The following CAMKMT variants were observed in gnomAD, a reference collection of about 807,000 sequenced individuals.
The protein encoded by CAMKMT is calmodulin-lysine N-methyltransferase.
Under a neutral mutation model 48.0 loss-of-function variants are expected in CAMKMT, and 53 were observed. That is an observed-to-expected ratio of 1.10 (90% CI 0.89 to 1.39). The LOEUF (loss-of-function observed/expected upper bound fraction) is 1.39. Ranked by LOEUF, CAMKMT falls within the 40% of genes most tolerant of loss-of-function variation. CAMKMT has a pLI of 0.00. For missense variants in CAMKMT, 428 were observed against 402.7 expected (o/e 1.06, Z -0.54); for synonymous variants, 165 against 152.3 (o/e 1.08, Z -0.61).
chr2:44,723,043 TAA>T (rs1678558888), intron 7 of CAMKMT, among the ~76,000 whole-genome samples: 1 of 152,170 alleles, frequency 6.6e-6, no homozygotes, highest in Admixed American at 6.6e-5. Flanking sequence ...GGATCAGTTT[TAA>T]AGTCAGTCCA....
intron 3 of CAMKMT, among the ~76,000 whole-genome samples, chr2:44,678,531 C>T (rs1393965296): frequency 6.6e-6 from 1 of 152,216 alleles, no homozygotes; most frequent in Admixed American, 6.5e-5. Flanking sequence ...TTCATTACTC[C>T]TGCCTCATTC....
At chr2:44,728,362 A>T (rs1678901143) in intron 7 of CAMKMT, among the ~76,000 whole-genome samples, 1 of 152,114 alleles carries the variant, frequency 6.6e-6, no homozygotes, top group South Asian at 2.1e-4. Context: ...GTCATGAGGG[A>T]TATTGGTCTG....
intron 3 of CAMKMT, among the ~76,000 whole-genome samples, chr2:44,608,165 C>A (rs568726156): frequency 6.7e-6 from 1 of 149,492 alleles, no homozygotes; most frequent in Admixed American, 6.7e-5. Flanking sequence ...CTCCGCCTCC[C>A]GGGTTCACGC....
At chr2:44,435,605 C>CT (rs1214400728) in intron 3 of CAMKMT, among the ~76,000 whole-genome samples, 1 of 152,152 alleles carries the variant, frequency 6.6e-6, no homozygotes, top group African/African-American at 2.4e-5. Context: ...TAGATTCTGG[C>CT]TTTCCAGTAG....
At chr2:44,489,406 C>A (rs777652998) in intron 3 of CAMKMT, among the ~76,000 whole-genome samples, 2 of 151,938 alleles carry the variant, frequency 1.3e-5, no homozygotes, top group Non-Finnish European at 2.9e-5. Flanking sequence ...CCAGCATGCC[C>A]AGCTAATTTT....
chr2:44,638,535 T>C (rs1299005539), intron 3 of CAMKMT, among the ~76,000 whole-genome samples: 2 of 152,234 alleles, frequency 1.3e-5, no homozygotes, highest in African/African-American at 4.8e-5. Flanking sequence ...TGTGTGTTTC[T>C]TCTGTAATAC....
At chr2:44,474,470 GA>G (rs1160914496) in intron 3 of CAMKMT, among the ~76,000 whole-genome samples, 1 of 149,088 alleles carries the variant, frequency 6.7e-6, no homozygotes, top group Non-Finnish European at 1.5e-5. Context: ...AAAAGAAAAA[GA>G]AAAAAGAAAT....
At position 44,618,078 on chromosome 2, in the gene CAMKMT, G is replaced by T. The variant is rs186591717; in HGVS notation, c.377-86205G>T. ...TTCTAGTAGTTAAACTGATTTTAAT[G>T]GATGAATTTTCATTTAAAAGTAAAA... On this transcript the variant is annotated intron_variant, in intron 3 of 10. Transcript: ENST00000378494. The surrounding 1 kb of genome is among the most constrained non-coding windows in gnomAD (Gnocchi z 4.0). 1.2e-3 allele frequency among the ~76,000 whole-genome samples: 178 copies of T among 152,210 alleles called. No homozygotes were observed. The highest frequency in any genetic ancestry group is 9.3e-4 in the Non-Finnish European group (63 of 68,010).
chr2:44,704,250 T>C, intron 3 of CAMKMT, 33 bp from the exon 4 acceptor site: 4 of 1,574,490 alleles, frequency 2.5e-6, no homozygotes, highest in Non-Finnish European at 3.5e-6. Context: ...ATGACTTCTA[T>C]AATCAAAAGG....
chr2:44,536,811 T>C (rs1046564075), intron 3 of CAMKMT, among the ~76,000 whole-genome samples: 6 of 151,986 alleles, frequency 3.9e-5, no homozygotes, highest in African/African-American at 1.5e-4. Flanking sequence ...AGTATAAAAA[T>C]TGACGTATAG....
intron 2 of CAMKMT, among the ~76,000 whole-genome samples, chr2:44,381,794 G>A (rs557532352): frequency 1.3e-5 from 2 of 152,210 alleles, no homozygotes; most frequent in Non-Finnish European, 2.9e-5. Context: ...AGATTTGAAG[G>A]CTGCGTACCA....
rs148462486 is a variant in CAMKMT at position 44,635,769 on chromosome 2, C to G, written c.377-68514C>G. On this transcript the variant is annotated intron_variant, in intron 3 of 10. Coordinates refer to ENST00000378494, the MANE Select transcript of CAMKMT (RefSeq NM_024766.5). ...GGGGGTGCTCCTTAGAAGAGGTTAG[C>G]AATCTAACCTAGTGTTGTTGATTAG... is the stretch of plus-strand genomic sequence containing the variant. Among the ~76,000 whole-genome samples, 57 of 152,296 alleles carry G rather than the reference C, an allele frequency of 3.7e-4. No homozygotes were observed. In the South Asian group the frequency reaches 5.2e-3, roughly 14 times the overall value.
chr2:44,427,619 A>G (rs1414939338), intron 3 of CAMKMT, among the ~76,000 whole-genome samples: 2 of 152,130 alleles, frequency 1.3e-5, no homozygotes, highest in Non-Finnish European at 2.9e-5. Flanking sequence ...GCACCATACA[A>G]TATACTCATG....
intron 3 of CAMKMT, among the ~76,000 whole-genome samples, chr2:44,485,250 T>C (rs1041683087): frequency 3.3e-5 from 5 of 152,216 alleles, no homozygotes; most frequent in Non-Finnish European, 5.9e-5. Flanking sequence ...TATGCAAGAA[T>C]GTTCATAGTA....
chr2:44,625,710 G>T (rs78760220), intron 3 of CAMKMT, among the ~76,000 whole-genome samples: 296 of 152,084 alleles, frequency 1.9e-3, no homozygotes, highest in African/African-American at 6.6e-3. Context: ...AAGGGTCGAG[G>T]TTCATTTTTT....
chr2:44,602,760 A>G (rs768111361), intron 3 of CAMKMT, among the ~76,000 whole-genome samples: 1 of 152,042 alleles, frequency 6.6e-6, no homozygotes, highest in African/African-American at 2.4e-5. Context: ...CCTCACAAAC[A>G]TGAGAATAGC....
At chr2:44,757,709 A>C (rs1680438964) in intron 9 of CAMKMT, among the ~76,000 whole-genome samples, 1 of 151,996 alleles carries the variant, frequency 6.6e-6, no homozygotes, top group African/African-American at 2.4e-5. Flanking sequence ...GATTACAGAC[A>C]CGCACCACCA....
chr2:44,388,635 G>C (rs546036423), intron 2 of CAMKMT, among the ~76,000 whole-genome samples: 26 of 152,268 alleles, frequency 1.7e-4, no homozygotes, highest in African/African-American at 4.6e-4. Flanking sequence ...ATTTGGGTAG[G>C]CTCCGTCAGA....
At chr2:44,456,721 C>A in intron 3 of CAMKMT, 1 of 939,674 alleles carries the variant, frequency 1.1e-6, no homozygotes, top group Non-Finnish European at 1.5e-6. Flanking sequence ...ATCTTCATTA[C>A]AATCATAGCA....
Sources: gnomAD v4.1 joint callset for allele counts (sites outside exome capture counted in the v4.1 genomes callset) on GRCh38, gnomAD v4.1.1 for gene constraint, Gnocchi (gnomAD v3.1) non-coding constraint, MANE v1.5 for transcripts, NCBI Gene and HGNC (gene_info 2026-07-23, HGNC 2026-07-21) for gene names.